SGCD: variants seen among roughly 807,000 people sequenced by gnomAD.
SGCD encodes the protein sarcoglycan delta.
A neutral mutation model predicts 36.6 loss-of-function variants in SGCD; 18 were observed. The observed-to-expected ratio is 0.49, with a 90% CI of 0.34 to 0.73. SGCD has a LOEUF of 0.73. Among genes scored for constraint, SGCD ranks in the 30% least tolerant of loss-of-function variants. The pLI is 0.01. For missense variants in SGCD, 387 were observed against 346.7 expected (o/e 1.12, Z -0.92); for synonymous variants, 133 against 130.6 (o/e 1.02, Z -0.12).
chr5:155,819,692 G>A, the SGCD span, among the ~76,000 whole-genome samples: 35 of 152,274 alleles, frequency 2.3e-4, no homozygotes, highest in Non-Finnish European at 3.8e-4. Context: ...CTGAGCATCC[G>A]TGTGTTTAAT....
At chr5:156,138,915 C>G (rs537158815) in intron 3 of SGCD, among the ~76,000 whole-genome samples, 2 of 152,288 alleles carry the variant, frequency 1.3e-5, no homozygotes, top group South Asian at 4.1e-4. Flanking sequence ...TTTTAGTTTG[C>G]ATTTCCCTGT....
intron 1 of SGCD, among the ~76,000 whole-genome samples, chr5:155,949,077 C>A (rs1320646174): frequency 6.6e-6 from 1 of 152,150 alleles, no homozygotes; most frequent in Non-Finnish European, 1.5e-5. Context: ...CAAAACACTC[C>A]TTCTTCTCTT....
chr5:156,532,086 A>C (rs1757913255), intron 4 of SGCD, among the ~76,000 whole-genome samples: 1 of 151,940 alleles, frequency 6.6e-6, no homozygotes, highest in Non-Finnish European at 1.5e-5. Flanking sequence ...CTCCAGCCTG[A>C]GTGATAAGAG....
intron 1 of SGCD, among the ~76,000 whole-genome samples, chr5:156,051,014 C>T (rs1759902458): frequency 6.8e-6 from 1 of 146,406 alleles, no homozygotes; most frequent in South Asian, 2.1e-4. Flanking sequence ...GGCACATGAG[C>T]ATTCTTGGAG....
intron 1 of SGCD, among the ~76,000 whole-genome samples, chr5:155,910,417 G>A (rs556004753): frequency 1.3e-5 from 2 of 152,160 alleles, no homozygotes; most frequent in East Asian, 1.9e-4. Context: ...ATCCAGCAGC[G>A]AGAAGTTAGA....
intron 1 of SGCD, among the ~76,000 whole-genome samples, chr5:155,876,821 T>C (rs906985755): frequency 7.9e-5 from 12 of 152,158 alleles, no homozygotes; most frequent in Non-Finnish European, 1.5e-4. Context: ...TCTGCCTTTA[T>C]TTTATGACCT....
chr5:156,748,080 C>T (rs1757011919), intron 7 of SGCD, among the ~76,000 whole-genome samples: 1 of 152,156 alleles, frequency 6.6e-6, no homozygotes, highest in Non-Finnish European at 1.5e-5. Context: ...AACTGATGAA[C>T]AGAGCCACAC....
chr5:156,679,163 C>T (rs1003457831), intron 7 of SGCD, among the ~76,000 whole-genome samples: 1 of 152,196 alleles, frequency 6.6e-6, no homozygotes, highest in African/African-American at 2.4e-5. Flanking sequence ...ATGCAAAATG[C>T]TTTTGACAGA....
At chr5:156,025,736 G>T (rs1178247659) in intron 1 of SGCD, among the ~76,000 whole-genome samples, 3 of 150,836 alleles carry the variant, frequency 2.0e-5, no homozygotes, top group Non-Finnish European at 3.0e-5. Flanking sequence ...ATTGCTGTAA[G>T]TGTGCTGTTT....
chr5:156,298,424 C>T (rs2127682729), intron 3 of SGCD, among the ~76,000 whole-genome samples: 1 of 152,156 alleles, frequency 6.6e-6, no homozygotes, highest in Non-Finnish European at 1.5e-5. Context: ...ATATCCTTAC[C>T]AGCATTCATT....
Position 156,723,850 on chromosome 5 carries a change from A to AGTGTGTGTGT in SGCD, c.576-33712_576-33703dup, listed in dbSNP as rs60939391. On this transcript the variant is annotated intron_variant, in intron 7 of 8. Transcript: ENST00000337851. Reference sequence around the variant, plus strand: ...GAGTCCACTGAAGTGTTTTAAGCCAAGTGTGTGTGTGTGTGTGTGTGTGTG... The same window carrying AGTGTGTGTGT: ...GAGTCCACTGAAGTGTTTTAAGCCAAGTGTGTGTGTGTGTGTGTGTGTGTGTGTGTGTGTG... Among the ~76,000 whole-genome samples the AGTGTGTGTGT allele has an allele frequency of 5.0e-3, 750 of 150,096 alleles. 5 individuals carry two copies. Among genetic ancestry groups the AGTGTGTGTGT allele is most frequent in the African/African-American group, 0.017 (692 of 40,986 alleles).
At chr5:155,978,882 A>C (rs2127561661) in intron 1 of SGCD, among the ~76,000 whole-genome samples, 1 of 152,306 alleles carries the variant, frequency 6.6e-6, no homozygotes, top group South Asian at 2.1e-4. Flanking sequence ...CTGCCCTACA[A>C]ATACAGTGTA....
chr5:156,376,696 A>G lies in SGCD; in HGVS notation c.192+32019A>G, dbSNP rs980417666. On this transcript the variant is annotated intron_variant, in intron 3 of 8. Transcript: ENST00000337851. ...TAATCAAGTATCTTTGTGTTTTTCAAAAGTATTTTAGCCTTAATTATACTT... is the reference window on the plus strand; with the variant it reads ...TAATCAAGTATCTTTGTGTTTTTCAGAAGTATTTTAGCCTTAATTATACTT... Among the ~76,000 whole-genome samples, 10 of 152,266 alleles carry G rather than the reference A, an allele frequency of 6.6e-5. No homozygotes were observed. The East Asian group carries it at 7.7e-4, about 12-fold the overall frequency.
In SGCD at chr5:156,385,524, A is replaced by G. The variant is rs141195341; in HGVS notation, c.192+40847A>G. On this transcript the variant is annotated intron_variant, in intron 3 of 8. Coordinates refer to ENST00000337851, the MANE Select transcript of SGCD (RefSeq NM_000337.6). ...TTTAAATTCAACAATCCTCACTGGTATTTTATTTTCACAATATATTTGGAC... is the reference window on the plus strand; with the variant it reads ...TTTAAATTCAACAATCCTCACTGGTGTTTTATTTTCACAATATATTTGGAC... Among the ~76,000 whole-genome samples, 414 of 152,340 alleles carry G rather than the reference A, an allele frequency of 2.7e-3. 1 individual carries two copies. The highest frequency in any genetic ancestry group is 9.7e-3 in the African/African-American group (404 of 41,576).
chr5:156,555,076 G>T (rs1005701274), intron 4 of SGCD, among the ~76,000 whole-genome samples: 1 of 151,726 alleles, frequency 6.6e-6, no homozygotes, highest in African/African-American at 2.4e-5. Context: ...CTTATTAATT[G>T]GTTGTCATTT....
intron 4 of SGCD, among the ~76,000 whole-genome samples, chr5:156,513,934 A>C (rs1402999627): frequency 6.6e-6 from 1 of 152,250 alleles, no homozygotes; most frequent in Admixed American, 6.5e-5. Context: ...TAAGCATTCA[A>C]CCATGACATC....
chr5:155,892,889 T>C (rs1756169268), intron 1 of SGCD, among the ~76,000 whole-genome samples: 1 of 152,164 alleles, frequency 6.6e-6, no homozygotes, highest in African/African-American at 2.4e-5. Flanking sequence ...CTCACTCATA[T>C]GTGGAATCTA....
At chr5:156,374,374 G>T (rs1000817543) in intron 3 of SGCD, among the ~76,000 whole-genome samples, 5 of 152,056 alleles carry the variant, frequency 3.3e-5, no homozygotes, top group African/African-American at 1.2e-4. Flanking sequence ...ATAGCATAAC[G>T]CAAAAGTAAT....
chr5:155,735,656 CATAGGTAGAT>C, the SGCD span, among the ~76,000 whole-genome samples: 1 of 152,176 alleles, frequency 6.6e-6, no homozygotes, highest in Non-Finnish European at 1.5e-5. Flanking sequence ...GGCTTGCAAG[CATAGGTAGAT>C]ACACAGCCTG....
Sources: allele counts gnomAD v4.1 joint callset (sites outside exome capture counted in the v4.1 genomes callset), GRCh38; gene constraint gnomAD v4.1.1; transcripts MANE v1.5; gene names NCBI Gene and HGNC (gene_info 2026-07-23, HGNC 2026-07-21).